RANBP2: variants seen among roughly 807,000 people sequenced by gnomAD.
The protein encoded by RANBP2 is RAN binding protein 2.
Under a neutral mutation model 303.6 loss-of-function variants are expected in RANBP2, and 57 were observed. The ratio of observed to expected loss-of-function variants is 0.19; its 90% confidence interval spans 0.15 to 0.23. RANBP2 has a LOEUF of 0.23. RANBP2 is among the 10% of genes least tolerant of loss of function. The pLI is 1.00. For missense variants in RANBP2, 3,138 were observed against 3,780.8 expected, an observed-to-expected ratio of 0.83 and a Z score of 4.46; for synonymous variants, 1,167 against 1,301.5, an observed-to-expected ratio of 0.90 and a Z score of 2.23.
the RANBP2 span, among the ~76,000 whole-genome samples, chr2:109,121,943 G>A: frequency 6.6e-6 from 1 of 152,144 alleles, no homozygotes; most frequent in Non-Finnish European, 1.5e-5. Context: ...TTTTTCATAT[G>A]TGTATTCAGC....
intron 7 of RANBP2, among the ~76,000 whole-genome samples, chr2:108,743,277 A>G (rs1283657894): frequency 6.6e-6 from 1 of 151,676 alleles, no homozygotes; most frequent in African/African-American, 2.4e-5. Context: ...AAATTTTTTG[A>G]TATGTAGTTT....
the RANBP2 span, among the ~76,000 whole-genome samples, chr2:109,003,333 A>G: frequency 6.6e-6 from 1 of 151,960 alleles, no homozygotes; most frequent in Admixed American, 6.6e-5. Flanking sequence ...CACTTGGCAC[A>G]TAGTAGGCCC....
the RANBP2 span, among the ~76,000 whole-genome samples, chr2:109,532,610 T>A: frequency 5.7e-3 from 864 of 152,218 alleles, 5 homozygotes; most frequent in Middle Eastern, 0.027. Flanking sequence ...AATGTGTCTA[T>A]AATCTAAAGC....
At chr2:109,614,173 A>G in the RANBP2 span, 12 of 1,171,928 alleles carry the variant, frequency 1.0e-5, no homozygotes, top group Non-Finnish European at 1.3e-5. Context: ...GGAACTGCGG[A>G]GCAGTGATTG....
At chr2:109,105,082 GTCTC>G in the RANBP2 span, among the ~76,000 whole-genome samples, 5 of 152,166 alleles carry the variant, frequency 3.3e-5, no homozygotes, top group South Asian at 8.3e-4. Flanking sequence ...TTGTTAAACT[GTCTC>G]TCTAAAACAA....
intron 4 of RANBP2, among the ~76,000 whole-genome samples, chr2:108,733,043 C>T (rs561587433): frequency 3.3e-5 from 5 of 152,000 alleles, no homozygotes; most frequent in South Asian, 4.1e-4. Flanking sequence ...TGGCTGGTCT[C>T]GAACTCCTGA....
chr2:108,993,832 G>A, the RANBP2 span, among the ~76,000 whole-genome samples: 1 of 152,170 alleles, frequency 6.6e-6, no homozygotes, highest in Admixed American at 6.5e-5. Context: ...AAATATTGTA[G>A]GCTGGGAGGC....
the RANBP2 span, among the ~76,000 whole-genome samples, chr2:108,933,985 C>T: frequency 1.3e-5 from 2 of 152,144 alleles, no homozygotes; most frequent in Non-Finnish European, 2.9e-5. Flanking sequence ...TTCCAAGAAC[C>T]ATATGAATGG....
At chr2:109,716,338 G>C in the RANBP2 span, among the ~76,000 whole-genome samples, 2 of 151,396 alleles carry the variant, frequency 1.3e-5, no homozygotes, top group African/African-American at 4.8e-5. Flanking sequence ...TGCAACCTCT[G>C]CCTCCCGGGT....
At chr2:109,723,886 T>G in the RANBP2 span, among the ~76,000 whole-genome samples, 1 of 152,332 alleles carries the variant, frequency 6.6e-6, no homozygotes, top group Non-Finnish European at 1.5e-5. Context: ...TCTTCTAGCA[T>G]TTTTATAGTT....
the RANBP2 span, among the ~76,000 whole-genome samples, chr2:109,093,406 T>TAAAAAAAAAAAAAAAAAAA: frequency 1.2e-4 from 11 of 90,704 alleles, no homozygotes; most frequent in East Asian, 3.1e-4. Flanking sequence ...CGGAGATTTG[T>TAAAAAAAAAAAAAAAAAAA]AAAAAAAAAA....
At chr2:109,373,463 G>A in the RANBP2 span, among the ~76,000 whole-genome samples, 1 of 152,196 alleles carries the variant, frequency 6.6e-6, no homozygotes. Context: ...ACAATGGAAC[G>A]CTCTCCCACC....
chr2:108,997,602 T>G, the RANBP2 span, among the ~76,000 whole-genome samples: 1 of 151,788 alleles, frequency 6.6e-6, no homozygotes, highest in African/African-American at 2.4e-5. Flanking sequence ...GTTAAGACAC[T>G]GCTCTGTGGC....
At chr2:109,471,009 C>G in the RANBP2 span, among the ~76,000 whole-genome samples, 1 of 152,174 alleles carries the variant, frequency 6.6e-6, no homozygotes, top group African/African-American at 2.4e-5. Flanking sequence ...CACTTGAGGT[C>G]AGGAGTTCGA....
the RANBP2 span, among the ~76,000 whole-genome samples, chr2:109,260,963 G>A: frequency 1.3e-5 from 2 of 152,160 alleles, no homozygotes; most frequent in East Asian, 3.9e-4. Flanking sequence ...ACTGTTTGAG[G>A]TGTTCTCAGC....
the RANBP2 span, chr2:108,812,713 G>A: frequency 6.2e-7 from 1 of 1,602,406 alleles, no homozygotes; most frequent in Admixed American, 1.7e-5. Flanking sequence ...TTACAGGTAA[G>A]TTGCCTGTTC....
At position 108,777,130 on chromosome 2, in the gene RANBP2, G is replaced by A. The variant is rs560513063; in HGVS notation, c.8498G>A (p.Gly2833Glu). ...AATTGTTCTTTTTTTCTTTTGCCAG[G>A]GGAAAGCAAGATAGTTTCATTTGGA... is the stretch of plus-strand genomic sequence containing the variant. ...KEIDTDSTSQ[G>E]ESKIVSFGFG... The change falls in exon 25 of 29, where the codon GGG (glycine) becomes GAG (glutamate). Residue 2833 changes from glycine (G) to glutamate (E), a missense_variant and splice_region_variant. Gly to Glu is a moderately conservative substitution (Grantham distance 98). This residue lies in a region of RANBP2 where 497 missense variants were observed against 465.8 expected (regional missense o/e 1.07). Coordinates refer to ENST00000283195, the MANE Select transcript of RANBP2 (RefSeq NM_006267.5). 9 of 1,612,754 alleles carry A rather than the reference G, an allele frequency of 5.6e-6. No individual in the cohort carries two copies. In the African/African-American group the frequency reaches 9.3e-5, roughly 17 times the overall value.
chr2:109,130,839 C>G, the RANBP2 span, among the ~76,000 whole-genome samples: 3 of 152,246 alleles, frequency 2.0e-5, no homozygotes, highest in East Asian at 5.8e-4. Flanking sequence ...AAGATCTTCT[C>G]TGGATGGCTT....
At chr2:109,147,891 C>T in the RANBP2 span, among the ~76,000 whole-genome samples, 1 of 152,194 alleles carries the variant, frequency 6.6e-6, no homozygotes, top group Non-Finnish European at 1.5e-5. Flanking sequence ...TTTATAAACT[C>T]TGCGTTTATA....
Sources: gnomAD v4.1 joint callset for allele counts (sites outside exome capture counted in the v4.1 genomes callset) on GRCh38, gnomAD v4.1.1 for gene constraint, gnomAD v4.1.1 regional missense constraint, MANE v1.5 for transcripts, NCBI Gene and HGNC (gene_info 2026-07-23, HGNC 2026-07-21) for gene names.